The following GLO1 variants were observed in gnomAD, a reference collection of about 807,000 sequenced individuals.
The protein encoded by GLO1 is lactoylglutathione lyase.
A neutral mutation model predicts 26.0 loss-of-function variants in GLO1; 28 were observed. The ratio of observed to expected loss-of-function variants is 1.08; its 90% CI spans 0.80 to 1.48. The LOEUF (loss-of-function observed/expected upper bound fraction) is 1.48. GLO1 is among the 40% of genes most tolerant of loss of function. The pLI, the probability that GLO1 is intolerant of heterozygous loss-of-function variation, is 0.00. For synonymous variants in GLO1, 78 were observed against 77.6 expected (o/e 1.00, Z -0.03); for missense variants, 225 against 224.8 (o/e 1.00, Z -0.01).
chr6:38,695,763 G>A (rs1449442629), intron 1 of GLO1, among the ~76,000 whole-genome samples: 1 of 152,166 alleles, frequency 6.6e-6, no homozygotes, highest in African/African-American at 2.4e-5. Context: ...GAGTAGAGCA[G>A]TTATTGTCTA....
intron 1 of GLO1, 55 bp downstream of exon 1, chr6:38,702,915 GC>G: frequency 9.8e-7 from 1 of 1,020,038 alleles, no homozygotes; most frequent in South Asian, 1.3e-5. Context: ...ATAGAATGCG[GC>G]CCGGTCCCGG....
At chr6:38,679,650 C>T (rs146613916) in intron 5 of GLO1, among the ~76,000 whole-genome samples, 431 of 152,044 alleles carry the variant, frequency 2.8e-3, no homozygotes, top group Non-Finnish European at 4.8e-3. Flanking sequence ...AAAAAATTAG[C>T]CATACATGGT....
chr6:38,684,825 T>C (rs1195281592), intron 2 of GLO1, among the ~76,000 whole-genome samples: 1 of 152,218 alleles, frequency 6.6e-6, no homozygotes, highest in Admixed American at 6.5e-5. Context: ...TGTGTTTATT[T>C]GTACTGAAAA....
At chr6:38,686,141 G>T (rs1348694086) in intron 2 of GLO1, among the ~76,000 whole-genome samples, 1 of 152,120 alleles carries the variant, frequency 6.6e-6, no homozygotes, top group Non-Finnish European at 1.5e-5. Context: ...TTATCTCTGG[G>T]GAGAAGAACT....
intron 1 of GLO1, among the ~76,000 whole-genome samples, chr6:38,699,841 T>G (rs969089521): frequency 6.6e-6 from 1 of 152,232 alleles, no homozygotes; most frequent in Non-Finnish European, 1.5e-5. Context: ...CTGCTGAACA[T>G]AGACCCTTAT....
At position 38,683,975 on chromosome 6, in the gene GLO1, C is replaced by T. The variant is rs573065157; in HGVS notation, c.308+399G>A. Among the ~76,000 whole-genome samples the T allele has an allele frequency of 9.8e-3, 1,487 of 152,184 alleles. 7 individuals are homozygous for T. The highest frequency in any genetic ancestry group is 0.031 in the Middle Eastern group (9 of 294). ...TTATAATCCCAGCAGTCTGGGAGGC[C>T]GAGGCGGGCGGATCACTTGAGGCCA... On this transcript the variant is annotated intron_variant, in intron 3 of 5. Transcript: ENST00000373365.
At chr6:38,679,834 A>C (rs927116644) in intron 5 of GLO1, among the ~76,000 whole-genome samples, 6 of 152,098 alleles carry the variant, frequency 3.9e-5, no homozygotes, top group African/African-American at 1.4e-4. Flanking sequence ...AATATTACCA[A>C]TATGAAAAAA....
chr6:38,677,316 G>A lies in GLO1; in HGVS notation c.534C>T (p.Asn178=), dbSNP rs1313963458. The A allele has an allele frequency of 6.6e-7, 1 of 1,519,190 alleles. No individual in the cohort carries two copies. Among genetic ancestry groups the A allele is most frequent in the Non-Finnish European group, 9.1e-7 (1 of 1,093,484 alleles). 94.1% of individuals were successfully genotyped at this position (1,519,190 alleles called of 1,614,324 possible). Residue 178 remains asparagine, a synonymous_variant, in exon 6 of 6, where the codon AAC becomes AAT. Transcript: ENST00000373365. ...AGCACTACATTAAGGTTGCCATTTT[G>A]TTAGGATTCAAAATTTCAATCCAGT... ...DGYWIEILNP[N]KMATLM
intron 3 of GLO1, chr6:38,683,089 A>G (rs1761407396): frequency 2.0e-6 from 1 of 511,828 alleles, no homozygotes; most frequent in African/African-American, 1.9e-5. Flanking sequence ...CAGGTACTGG[A>G]CAAGAACAAT....
intron 5 of GLO1, among the ~76,000 whole-genome samples, chr6:38,681,158 G>A (rs191528133): frequency 2.3e-4 from 35 of 152,182 alleles, no homozygotes; most frequent in African/African-American, 2.4e-4. Context: ...CCACCTCCCA[G>A]GTTCAAGCAA....
At chr6:38,687,205 C>T in intron 1 of GLO1, 5 of 481,118 alleles carry the variant, frequency 1.0e-5, no homozygotes, top group Non-Finnish European at 1.4e-5. Context: ...CGATAAAAAA[C>T]CTGGCATCCC....
intron 1 of GLO1, among the ~76,000 whole-genome samples, chr6:38,692,726 T>TA (rs1392021443): frequency 6.6e-6 from 1 of 151,430 alleles, no homozygotes; most frequent in Non-Finnish European, 1.5e-5. Flanking sequence ...TTTCTGAACT[T>TA]AAAAAAAATA....
At chr6:38,696,267 A>G (rs1235184004) in intron 1 of GLO1, among the ~76,000 whole-genome samples, 2 of 152,234 alleles carry the variant, frequency 1.3e-5, no homozygotes, top group Non-Finnish European at 2.9e-5. Context: ...ACAAAATCTC[A>G]AATTTGCTTC....
intron 5 of GLO1, among the ~76,000 whole-genome samples, chr6:38,679,467 A>G (rs1240845773): frequency 6.6e-6 from 1 of 152,106 alleles, no homozygotes; most frequent in African/African-American, 2.4e-5. Flanking sequence ...GGCATGAGCC[A>G]CCATGCCCAG....
chr6:38,687,044 T>C, intron 1 of GLO1, 70 bp from the exon 2 acceptor site: 3 of 1,533,580 alleles, frequency 2.0e-6, no homozygotes, highest in South Asian at 2.4e-5. Context: ...TTGTGCTTTC[T>C]GTAACAAGAT....
At chr6:38,699,901 T>C (rs1761673184) in intron 1 of GLO1, among the ~76,000 whole-genome samples, 1 of 152,244 alleles carries the variant, frequency 6.6e-6, no homozygotes, top group African/African-American at 2.4e-5. Context: ...TGGACCCTTA[T>C]CAGTAGTTCT....
chr6:38,692,639 C>T (rs1043468064), intron 1 of GLO1, among the ~76,000 whole-genome samples: 3 of 151,888 alleles, frequency 2.0e-5, no homozygotes, highest in African/African-American at 7.3e-5. Flanking sequence ...AAAGCATCAC[C>T]ACTGAGTGTA....
intron 1 of GLO1, among the ~76,000 whole-genome samples, chr6:38,699,826 G>A (rs925927608): frequency 2.0e-5 from 3 of 152,038 alleles, no homozygotes; most frequent in African/African-American, 4.8e-5. Flanking sequence ...AAGACAATAC[G>A]TGCACTGCTG....
At chr6:38,701,266 G>A (rs1761694667) in intron 1 of GLO1, among the ~76,000 whole-genome samples, 1 of 152,132 alleles carries the variant, frequency 6.6e-6, no homozygotes, top group Admixed American at 6.5e-5. Flanking sequence ...TCTTCATAGG[G>A]TTGTTGTTAG....
Sources: allele counts gnomAD v4.1 joint callset (sites outside exome capture counted in the v4.1 genomes callset), GRCh38; gene constraint gnomAD v4.1.1; transcripts MANE v1.5; gene names NCBI Gene and HGNC (gene_info 2026-07-23, HGNC 2026-07-21).